NOC2L: variants seen among roughly 807,000 people sequenced by gnomAD.
The protein encoded by NOC2L is NOC2 like nucleolar associated transcriptional repressor.
A neutral mutation model predicts 94.2 loss-of-function variants in NOC2L; 101 were observed. That is an observed-to-expected ratio of 1.07 (90% CI 0.91 to 1.26). The LOEUF (loss-of-function observed/expected upper bound fraction) is 1.26. NOC2L is among the 50% of genes most tolerant of loss of function. The pLI, the probability that NOC2L is intolerant of heterozygous loss-of-function variation, is 0.00. For synonymous variants in NOC2L, 531 were observed against 413.4 expected, an observed-to-expected ratio of 1.28 and a Z score of -3.45; for missense variants, 1,076 against 980.1, an observed-to-expected ratio of 1.10 and a Z score of -1.31.
At chr1:946,637 C>T (rs574093600) in intron 14 of NOC2L, 92 bp from the exon 15 acceptor site, 81 of 1,471,566 alleles carry the variant, frequency 5.5e-5, no homozygotes, top group South Asian at 4.1e-4. Context: ...GTGGTGGCCA[C>T]GGGGATACCC....
At chr1:953,678 G>C (rs1642320331) in intron 8 of NOC2L, 104 bp downstream of exon 8, 1 of 844,810 alleles carries the variant, frequency 1.2e-6, no homozygotes, top group Non-Finnish European at 1.9e-6. Flanking sequence ...AGCCAGTGGA[G>C]TGTGGGCACC....
chr1:958,817 C>A (rs545660729), intron 2 of NOC2L, 112 bp downstream of exon 2: 3 of 1,054,440 alleles, frequency 2.8e-6, no homozygotes, highest in South Asian at 2.6e-5. Flanking sequence ...GACTGGGGGG[C>A]AGAGGTCGGC....
In NOC2L at chr1:944,486, TGTGG is replaced by T; in HGVS notation, c.*204_*207del. The stretch of plus-strand genomic sequence containing the variant: ...GGAGCTGACTTCAGCAGCCCACAGC[TGTGG>T]GGCTTCAGCAGCCACACCAGCCCAG... On this transcript the variant is annotated 3_prime_UTR_variant, in exon 19 of 19. Coordinates refer to ENST00000327044, the MANE Select transcript of NOC2L (RefSeq NM_015658.4). 3 of 680,714 alleles carry T rather than the reference TGTGG, an allele frequency of 4.4e-6. No individual in the cohort carries two copies. The allele number at this position is 680,714 out of a possible 1,614,324, so 42.2% of individuals were successfully genotyped here. A position where few individuals can be genotyped will look rare whatever the true frequency, so the allele number is the denominator to read the frequency against.
Position 946,234 on chromosome 1 carries a change from T to C in NOC2L, c.1856A>G (p.Tyr619Cys). The change falls in exon 16 of 19, where the codon TAC (tyrosine) becomes TGC (cysteine). Residue 619 changes from tyrosine (Y) to cysteine (C), a missense_variant. This residue lies in a region of NOC2L where 615 missense variants were observed against 577.4 expected (regional missense o/e 1.07). Coordinates refer to ENST00000327044, the MANE Select transcript of NOC2L (RefSeq NM_015658.4). The part of the protein sequence containing the change: ...REEGTPLTLY[Y>C]SHWRKLRDRE... ...GTCACGCAGCTTGCGCCAGTGGCTG[T>C]AGTACAAGGTCAGGGGTGTCCCCTC... 6.2e-7 allele frequency: 1 copy of C among 1,613,594 alleles called. No homozygotes were observed. Among genetic ancestry groups the C allele is most frequent in the Non-Finnish European group, 8.5e-7 (1 of 1,179,862 alleles).
chr1:956,427 G>A (rs1642402737), intron 4 of NOC2L, among the ~76,000 whole-genome samples: 1 of 152,146 alleles, frequency 6.6e-6, no homozygotes, highest in East Asian at 1.9e-4. Context: ...AGGAGCCCCA[G>A]GAAAAGGACT....
intron 8 of NOC2L, 149 bp downstream of exon 8, chr1:953,633 G>T: frequency 3.1e-6 from 2 of 650,292 alleles, no homozygotes; most frequent in South Asian, 3.7e-5. Flanking sequence ...TGGGGGTGGG[G>T]GCCAGGTGCT....
In NOC2L at chr1:944,221, C is replaced by T. The variant is rs1642010915; in HGVS notation, c.*473G>A. 2 of 1,469,928 alleles carry T rather than the reference C, an allele frequency of 1.4e-6. No individual in the cohort carries two copies. Among genetic ancestry groups the T allele is most frequent in the East Asian group, 4.9e-5 (2 of 40,936 alleles). 91.1% of individuals were successfully genotyped at this position (1,469,928 alleles called of 1,614,324 possible). ...CCACCACTCAACACAATGGCCCTGC[C>T]TCCCACCGCTTTATTTCTTTCGGTT... On this transcript the variant is annotated 3_prime_UTR_variant, in exon 19 of 19. Coordinates refer to ENST00000327044, the MANE Select transcript of NOC2L (RefSeq NM_015658.4).
intron 16 of NOC2L, 81 bp downstream of exon 16, chr1:946,092 C>T (rs1642099826): frequency 4.6e-6 from 5 of 1,076,946 alleles, no homozygotes; most frequent in Non-Finnish European, 6.9e-6. Flanking sequence ...CAAACCCTCG[C>T]CCTGGTCTCA....
At position 944,595 on chromosome 1, in the gene NOC2L, C is replaced by A; in HGVS notation, c.*99G>T. The A allele has an allele frequency of 1.4e-6, 1 of 720,192 alleles. No homozygotes were observed. Among genetic ancestry groups the A allele is most frequent in the Non-Finnish European group, 2.3e-6 (1 of 434,668 alleles). The allele number at this position is 720,192 out of a possible 1,614,324, so 44.6% of individuals were successfully genotyped here. A position where few individuals can be genotyped will look rare whatever the true frequency, so the allele number is the denominator to read the frequency against. ...GCCTGTCCCGTGTCTACTGCCTCCC[C>A]CAACTGCACAGACGCCAGCCTCTAG... On this transcript the variant is annotated 3_prime_UTR_variant, in exon 19 of 19. Coordinates refer to ENST00000327044, the MANE Select transcript of NOC2L (RefSeq NM_015658.4).
intron 14 of NOC2L, among the ~76,000 whole-genome samples, chr1:947,433 A>C (rs112871812): frequency 7.0e-4 from 107 of 152,328 alleles, no homozygotes; most frequent in African/African-American, 2.5e-3. Flanking sequence ...ATTGTGGCTC[A>C]TGTGAGCAGA....
Position 957,101 on chromosome 1 carries a change from C to T in NOC2L, c.352G>A (p.Glu118Lys). The T allele has an allele frequency of 6.2e-7, 1 of 1,614,020 alleles. No individual in the cohort carries two copies. The highest frequency in any genetic ancestry group is 1.3e-5 in the African/African-American group (1 of 75,082). ...GPFHSLPDVLEEASEEEDGAE... is the reference protein window; with the variant it reads ...GPFHSLPDVLKEASEEEDGAE... ...TCTGGTTTGGCCCACGCCCTCACCT[C>T]CAGCACATCTGGCAGGGAGTGGAAC... The change falls in exon 3 of 19, where the codon GAG becomes AAG. Residue 118 changes from glutamate (E) to lysine (K), a missense_variant and splice_region_variant. By Grantham distance (56) the Glu-to-Lys change is moderately conservative (BLOSUM62 1). Around this residue, in one of 3 missense-constraint regions of NOC2L, gnomAD observed 457 missense variants for 386.0 expected, o/e 1.18. Transcript: ENST00000327044.
At chr1:945,408 A>G in intron 17 of NOC2L, 110 bp downstream of exon 17, 1 of 1,357,920 alleles carries the variant, frequency 7.4e-7, no homozygotes, top group Non-Finnish European at 1.0e-6. Flanking sequence ...GCTGGGCCAG[A>G]GACTGGTGAG....
chr1:945,279 C>G (rs1048620397), intron 17 of NOC2L, 133 bp from the exon 18 acceptor site: 1 of 1,216,186 alleles, frequency 8.2e-7, no homozygotes, highest in African/African-American at 1.5e-5. Context: ...GGAGAGGAGC[C>G]CTGGGGAGGA....
At chr1:959,153 A>G (rs1642508085) in intron 1 of NOC2L, 62 bp downstream of exon 1, 3 of 1,611,892 alleles carry the variant, frequency 1.9e-6, no homozygotes, top group Non-Finnish European at 2.5e-6. Context: ...GGAGCAAGAA[A>G]AGCCCCCTTG....
rs1642294509 is a variant in NOC2L at position 952,736 on chromosome 1, C to A, written c.1003-136G>T. Reference sequence around the variant, plus strand: ...GGAAGAGCCGTAGCCCCTTGCACAGCCCCCACCCCCAAGTGCCCACCAGCC... The same window carrying A: ...GGAAGAGCCGTAGCCCCTTGCACAGACCCCACCCCCAAGTGCCCACCAGCC... On this transcript the variant is annotated intron_variant, in intron 9 of 18. Transcript: ENST00000327044. 12 of 828,206 alleles carry A rather than the reference C, an allele frequency of 1.4e-5. No homozygotes were observed. In the East Asian group the frequency reaches 3.2e-4, roughly 22 times the overall value. The allele number at this position is 828,206 out of a possible 1,614,324, so 51.3% of individuals were successfully genotyped here. A position where few individuals can be genotyped will look rare whatever the true frequency, so the allele number is the denominator to read the frequency against.
At chr1:957,467 G>A (rs1642442742) in intron 2 of NOC2L, 194 bp from the exon 3 acceptor site, 2 of 594,514 alleles carry the variant, frequency 3.4e-6, no homozygotes, top group South Asian at 2.0e-5. Flanking sequence ...CACTACACAG[G>A]CCCCCCAGCC....
intron 9 of NOC2L, 95 bp downstream of exon 9, chr1:953,080 T>A: frequency 1.2e-6 from 1 of 806,572 alleles, no homozygotes. Flanking sequence ...GAGGGTCCAG[T>A]GAGGGGCACC....
chr1:951,904 C>T, intron 11 of NOC2L, 96 bp downstream of exon 11: 1 of 1,404,920 alleles, frequency 7.1e-7, no homozygotes, highest in Non-Finnish European at 9.7e-7. Flanking sequence ...AGACTCAGGC[C>T]CCAAGGCCCT....
chr1:957,363 G>A (rs1642439206), intron 2 of NOC2L, 90 bp from the exon 3 acceptor site: 3 of 1,326,456 alleles, frequency 2.3e-6, no homozygotes, highest in Non-Finnish European at 3.1e-6. Context: ...CCCTTCACAA[G>A]GGTTACCAAC....
Sources: gnomAD v4.1 joint callset for allele counts (sites outside exome capture counted in the v4.1 genomes callset) on GRCh38, gnomAD v4.1.1 for gene constraint, gnomAD v4.1.1 regional missense constraint, MANE v1.5 for transcripts, NCBI Gene and HGNC (gene_info 2026-07-23, HGNC 2026-07-21) for gene names.